IGSF3: variants seen among roughly 807,000 people sequenced by gnomAD.
IGSF3 encodes the protein glu-Trp-Ile EWI motif-containing protein 3.
IGSF3 carries 23 observed loss-of-function variants against 114.4 expected under a neutral mutation model. That is an observed-to-expected ratio of 0.20 (90% CI 0.14 to 0.28). The LOEUF (loss-of-function observed/expected upper bound fraction) is 0.28, where lower values mean the gene tolerates loss of function less well. Among genes scored for constraint, IGSF3 ranks in the 10% least tolerant of loss-of-function variants. IGSF3 has a pLI of 1.00. For synonymous variants in IGSF3, 571 were observed against 645.2 expected (o/e 0.88, Z 1.74); for missense variants, 1,172 against 1,591.5 (o/e 0.74, Z 4.48).
At chr1:116,641,525 A>C (rs1338487161) in intron 2 of IGSF3, among the ~76,000 whole-genome samples, 1 of 147,368 alleles carries the variant, frequency 6.8e-6, no homozygotes, top group Non-Finnish European at 1.5e-5. Flanking sequence ...AAAAAGAAGA[A>C]GAAAGAAAAG....
rs546699554 is a variant in IGSF3, at chr1:116,623,861, G to A, written c.44-7404C>T. Among the ~76,000 whole-genome samples, 1,509 of 151,232 alleles carry A rather than the reference G, an allele frequency of 1.0e-2. 23 individuals are homozygous for A. Among genetic ancestry groups the A allele is most frequent in the African/African-American group, 0.034 (1,381 of 41,044 alleles). ...AGCACTTTGGGAGGGCGAGGCAGGTGGATCACCTGAGGTCAGGAGTTCGAG... is the reference window on the plus strand; with the variant it reads ...AGCACTTTGGGAGGGCGAGGCAGGTAGATCACCTGAGGTCAGGAGTTCGAG... On this transcript the variant is annotated intron_variant, in intron 2 of 10. Coordinates refer to ENST00000369486, the MANE Select transcript of IGSF3 (RefSeq NM_001007237.3).
intron 5 of IGSF3, chr1:116,606,486 A>C (rs753443979): frequency 1.2e-6 from 2 of 1,607,666 alleles, no homozygotes; most frequent in Non-Finnish European, 1.7e-6. Flanking sequence ...TCTTCGGCAG[A>C]CTTACCCAAG....
rs1426096657 is a variant in IGSF3 at position 116,576,736 on chromosome 1, A to G, written c.*576T>C. ...AACTCCAGCTGAGGGAAAAGACAACATACAAATTTTGCCCACACTACACAC... is the reference window on the plus strand; with the variant it reads ...AACTCCAGCTGAGGGAAAAGACAACGTACAAATTTTGCCCACACTACACAC... On this transcript the variant is annotated 3_prime_UTR_variant, in exon 11 of 11. Coordinates refer to ENST00000369486, the MANE Select transcript of IGSF3 (RefSeq NM_001007237.3). The surrounding 1 kb of genome is among the most constrained non-coding windows in gnomAD (Gnocchi z 4.6). 1.3e-5 allele frequency: 2 copies of G among 153,152 alleles called. No individual in the cohort carries two copies. The highest frequency in any genetic ancestry group is 2.4e-5 in the African/African-American group (1 of 41,456). The allele number at this position is 153,152 out of a possible 1,614,324, so 9.5% of individuals were successfully genotyped here.
chr1:116,589,190 C>G lies in IGSF3; in HGVS notation c.2030-86G>C. On this transcript the variant is annotated intron_variant, in intron 7 of 10. Transcript: ENST00000369486. The surrounding 1 kb of genome is among the most constrained non-coding windows in gnomAD (Gnocchi z 5.7). ...CTCCAGGCTCTGAGCCAGGTTTCCT[C>G]CAGCACAGTTCCTGGGGGATTTAAC... The G allele has an allele frequency of 7.9e-7, 1 of 1,258,058 alleles. No individual in the cohort carries two copies. Among genetic ancestry groups the G allele is most frequent in the Non-Finnish European group, 1.1e-6 (1 of 887,510 alleles). The allele number at this position is 1,258,058 out of a possible 1,614,324, so 77.9% of individuals were successfully genotyped here.
chr1:116,600,140 G>A lies in IGSF3; in HGVS notation c.1830C>T (p.Ser610=), dbSNP rs760716837. ...TGGCAGTTCGGGTTCGGAAGCTGGA[G>A]GACCTGTCCCCCCACTGGACCCCTC... ...RDGGVQWGDR[S]SSFRTRTAIE... is the part of the protein sequence containing the mutation. Residue 610 remains serine, a synonymous_variant, in exon 7 of 11, where the codon TCC becomes TCT. Transcript: ENST00000369486. The surrounding 1 kb of genome is among the most constrained non-coding windows in gnomAD (Gnocchi z 5.5). The A allele has an allele frequency of 1.9e-6, 3 of 1,614,124 alleles. No individual in the cohort carries two copies. The highest frequency in any genetic ancestry group is 2.5e-6 in the Non-Finnish European group (3 of 1,180,020).
rs993821011 is a variant in IGSF3 at position 116,651,099 on chromosome 1, C to T, written c.43+15185G>A. ...CAAAAAGGAAGCTCACAATAAGGAA[C>T]GCCCATGCCTAGCCATAACTGAGCA... On this transcript the variant is annotated intron_variant, in intron 2 of 10. Transcript: ENST00000369486. This position sits in a 1 kb window ranked among gnomAD's most constrained non-coding sequence, Gnocchi z 4.4. Among the ~76,000 whole-genome samples, 6 of 152,238 alleles carry T rather than the reference C, an allele frequency of 3.9e-5. No homozygotes were observed. Among genetic ancestry groups the T allele is most frequent in the African/African-American group, 9.6e-5 (4 of 41,472 alleles).
chr1:116,630,759 C>A (rs1286293138), intron 2 of IGSF3, among the ~76,000 whole-genome samples: 1 of 152,176 alleles, frequency 6.6e-6, no homozygotes, highest in African/African-American at 2.4e-5. Context: ...TCAGGAAAGG[C>A]TTCACACAAG....
intron 4 of IGSF3, among the ~76,000 whole-genome samples, chr1:116,608,682 A>G (rs1490369334): frequency 3.9e-5 from 6 of 152,186 alleles, no homozygotes; most frequent in African/African-American, 1.2e-4. Flanking sequence ...TAGATTACAA[A>G]TATCTAGCCT....
chr1:116,622,902 C>A (rs998267357), intron 2 of IGSF3, among the ~76,000 whole-genome samples: 4 of 152,206 alleles, frequency 2.6e-5, no homozygotes, highest in African/African-American at 9.7e-5. Context: ...ATCTTCTTGC[C>A]CACCTGGTCC....
rs1659504615 is a variant in IGSF3 at position 116,579,611 on chromosome 1, C to T, written c.3115G>A (p.Asp1039Asn). 4 of 1,614,070 alleles carry T rather than the reference C, an allele frequency of 2.5e-6. No homozygotes were observed. Among genetic ancestry groups the T allele is most frequent in the Non-Finnish European group, 1.7e-6 (2 of 1,180,038 alleles). ...ERTALLSVGP[D>N]AVFGPEGSPW... ...CTGCCCTCTGGGCCAAAGACAGCATCTGGGCCCACGCTCAGCAGGGCCGTC... is the reference window on the plus strand; with the variant it reads ...CTGCCCTCTGGGCCAAAGACAGCATTTGGGCCCACGCTCAGCAGGGCCGTC... Residue 1039 changes from aspartate to asparagine, a missense_variant, in exon 10 of 11, where the codon GAT becomes AAT. Around this residue, in one of 3 missense-constraint regions of IGSF3, gnomAD observed 423 missense variants for 509.8 expected, o/e 0.83. Transcript: ENST00000369486. The surrounding 1 kb of genome is among the most constrained non-coding windows in gnomAD (Gnocchi z 6.4).
At chr1:116,622,521 T>C (rs1006733768) in intron 2 of IGSF3, among the ~76,000 whole-genome samples, 6 of 152,202 alleles carry the variant, frequency 3.9e-5, no homozygotes, top group Admixed American at 1.3e-4. Flanking sequence ...TTGATGATAC[T>C]GGGCTGAATC....
At position 116,624,001 on chromosome 1, in the gene IGSF3, C is replaced by T. The variant is rs1033005056; in HGVS notation, c.44-7544G>A. 6.6e-6 allele frequency among the ~76,000 whole-genome samples: 1 copy of T among 150,378 alleles called. No individual in the cohort carries two copies. Among genetic ancestry groups the T allele is most frequent in the Non-Finnish European group, 1.5e-5 (1 of 67,728 alleles). ...ACTCCGGAGGCTGAGGCAGGAGAAT[C>T]GCTTGAACCCAGCAGGTGGAGGTTG... On this transcript the variant is annotated intron_variant, in intron 2 of 10. Transcript: ENST00000369486. This position sits in a 1 kb window ranked among gnomAD's most constrained non-coding sequence, Gnocchi z 4.9.
At chr1:116,599,851 T>A (rs1485601396) in intron 7 of IGSF3, 90 bp downstream of exon 7, 1 of 1,168,362 alleles carries the variant, frequency 8.6e-7, no homozygotes, top group East Asian at 2.4e-5. Flanking sequence ...AAGGGGGAAG[T>A]GACGCTAAGG....
At chr1:116,609,366 C>G (rs573385641) in intron 4 of IGSF3, among the ~76,000 whole-genome samples, 1 of 152,144 alleles carries the variant, frequency 6.6e-6, no homozygotes, top group African/African-American at 2.4e-5. Context: ...CCCACCTCAG[C>G]CTCCGGAGTA....
In IGSF3 at chr1:116,642,434, C is replaced by A. The variant is rs200469946; in HGVS notation, c.43+23850G>T. On this transcript the variant is annotated intron_variant, in intron 2 of 10. Transcript: ENST00000369486. The surrounding 1 kb of genome is among the most constrained non-coding windows in gnomAD (Gnocchi z 5.4). ...GGCAGACCTGAGGCGGGAGTCCCCA[C>A]GCTTAGGGGAAGGGGCTCAGGCACT... is the stretch of plus-strand genomic sequence containing the variant. Among the ~76,000 whole-genome samples, 1 of 152,112 alleles carries A rather than the reference C, an allele frequency of 6.6e-6. No homozygotes were observed. Among genetic ancestry groups the A allele is most frequent in the South Asian group, 2.1e-4 (1 of 4,826 alleles).
In IGSF3 at chr1:116,654,871, C is replaced by T. The variant is rs1032880454; in HGVS notation, c.43+11413G>A. 7.9e-5 allele frequency among the ~76,000 whole-genome samples: 12 copies of T among 152,042 alleles called. No individual in the cohort carries two copies. The highest frequency in any genetic ancestry group is 2.9e-4 in the African/African-American group (12 of 41,378). ...GTTTGCCCTTTAGCCTCCTCAGAGCCCCCTCCCTTCTCCTCGCTCTCCCCT... is the reference window on the plus strand; with the variant it reads ...GTTTGCCCTTTAGCCTCCTCAGAGCTCCCTCCCTTCTCCTCGCTCTCCCCT... On this transcript the variant is annotated intron_variant, in intron 2 of 10. Transcript: ENST00000369486. This position sits in a 1 kb window ranked among gnomAD's most constrained non-coding sequence, Gnocchi z 4.4.
At position 116,585,167 on chromosome 1, in the gene IGSF3, A is replaced by C; in HGVS notation, c.2441-115T>G. 2 of 723,350 alleles carry C rather than the reference A, an allele frequency of 2.8e-6. No homozygotes were observed. Among genetic ancestry groups the C allele is most frequent in the Non-Finnish European group, 4.4e-6 (2 of 451,846 alleles). 44.8% of individuals were successfully genotyped at this position (723,350 alleles called of 1,614,324 possible). A position where few individuals can be genotyped will look rare whatever the true frequency, so the allele number is the denominator to read the frequency against. On this transcript the variant is annotated intron_variant, in intron 8 of 10. Coordinates refer to ENST00000369486, the MANE Select transcript of IGSF3 (RefSeq NM_001007237.3). The surrounding 1 kb of genome is among the most constrained non-coding windows in gnomAD (Gnocchi z 4.9). ...CAAATACAGAAGGACGGCAGCACAC[A>C]CTCCATTAGGAGAAACGTTTCTCAG...
Position 116,655,407 on chromosome 1 carries a change from AG to A in IGSF3, c.43+10876del, listed in dbSNP as rs571963529. Among the ~76,000 whole-genome samples the A allele has an allele frequency of 2.6e-5, 4 of 152,374 alleles. No homozygotes were observed. The South Asian group carries it at 8.3e-4, about 32-fold the overall frequency. On this transcript the variant is annotated intron_variant, in intron 2 of 10. Coordinates refer to ENST00000369486, the MANE Select transcript of IGSF3 (RefSeq NM_001007237.3). This position sits in a 1 kb window ranked among gnomAD's most constrained non-coding sequence, Gnocchi z 4.3. ...CAAAAGAACAACTATTTTAAAAATC[AG>A]GTCTAAAGGTGAGCCATCCAAGAAA... is the stretch of plus-strand genomic sequence containing the variant.
intron 2 of IGSF3, among the ~76,000 whole-genome samples, chr1:116,620,105 C>A (rs1465477129): frequency 6.6e-6 from 1 of 152,108 alleles, no homozygotes; most frequent in African/African-American, 2.4e-5. Flanking sequence ...TGGTCTTTGT[C>A]CCCAGTTCCT....
Sources: gnomAD v4.1 joint callset for allele counts (sites outside exome capture counted in the v4.1 genomes callset) on GRCh38, gnomAD v4.1.1 for gene constraint, gnomAD v4.1.1 regional missense constraint, Gnocchi (gnomAD v3.1) non-coding constraint, MANE v1.5 for transcripts, NCBI Gene and HGNC (gene_info 2026-07-23, HGNC 2026-07-21) for gene names.